The following CDC14A variants were observed in gnomAD, a reference collection of about 807,000 sequenced individuals.
The protein encoded by CDC14A is dual specificity protein phosphatase CDC14A.
In CDC14A, 53 loss-of-function variants were observed where a neutral mutation model predicts 74.4. That is an observed-to-expected ratio of 0.71 (90% CI 0.57 to 0.89). The LOEUF is 0.89. Ranked by LOEUF, CDC14A falls within the 40% of genes least tolerant of loss-of-function variation. The pLI is 0.00. For missense variants in CDC14A, 646 were observed against 713.7 expected, an observed-to-expected ratio of 0.91 and a Z score of 1.08; for synonymous variants, 247 against 258.4, an observed-to-expected ratio of 0.96 and a Z score of 0.43.
intron 4 of CDC14A, among the ~76,000 whole-genome samples, chr1:100,420,927 G>A (rs900665639): frequency 2.6e-5 from 4 of 152,088 alleles, no homozygotes; most frequent in Admixed American, 2.6e-4. Flanking sequence ...TAAGTTCTTG[G>A]TACCTGGAAG....
Position 100,377,611 on chromosome 1 carries a change from A to C in CDC14A, c.206A>C (p.Lys69Thr), listed in dbSNP as rs780830209. Residue 69 changes from lysine (K) to threonine (T), a missense_variant, in exon 3 of 16, where the codon AAG (lysine) becomes ACG (threonine). By Grantham distance (78) the Lys-to-Thr change is moderately conservative (BLOSUM62 -1). Coordinates refer to ENST00000336454, the MANE Select transcript of CDC14A (RefSeq NM_003672.4). ...MVYRYCCKLNKKLKSYSLSRK... is the reference protein window; with the variant it reads ...MVYRYCCKLNTKLKSYSLSRK... ...TACAGATATTGCTGCAAACTAAACAAGAAACTAAAAGTGAGTATTGTAGTG... is the reference window on the plus strand; with the variant it reads ...TACAGATATTGCTGCAAACTAAACACGAAACTAAAAGTGAGTATTGTAGTG... The C allele has an allele frequency of 2.5e-6, 4 of 1,610,260 alleles. No homozygotes were observed. The East Asian group carries it at 8.9e-5, about 36-fold the overall frequency.
intron 4 of CDC14A, among the ~76,000 whole-genome samples, chr1:100,420,063 C>CACATATATATATATATATATAT: frequency 4.4e-4 from 27 of 61,592 alleles, no homozygotes; most frequent in South Asian, 8.9e-4. Context: ...CACACACACA[C>CACATATATATATATATATATAT]ATATATATAT....
At chr1:100,485,396 CTGTTCAAAATAG>C (rs1209799055) in intron 11 of CDC14A, 1 of 811,992 alleles carries the variant, frequency 1.2e-6, no homozygotes, top group Non-Finnish European at 1.5e-6. Flanking sequence ...AAAAAAGGAC[CTGTTCAAAATAG>C]TGGAACAAGC....
At chr1:100,510,902 A>T (rs1213134003) in intron 15 of CDC14A, among the ~76,000 whole-genome samples, 1 of 151,992 alleles carries the variant, frequency 6.6e-6, no homozygotes, top group African/African-American at 2.4e-5. Context: ...CCCCTTCCTG[A>T]TCTCCAGAGC....
At chr1:100,464,554 A>T (rs1667613894) in intron 9 of CDC14A, among the ~76,000 whole-genome samples, 1 of 152,254 alleles carries the variant, frequency 6.6e-6, no homozygotes, top group Non-Finnish European at 1.5e-5. Context: ...AACGTTTAGC[A>T]GGAGATAATC....
At chr1:100,435,702 G>A (rs145751957) in intron 5 of CDC14A, among the ~76,000 whole-genome samples, 348 of 152,070 alleles carry the variant, frequency 2.3e-3, no homozygotes, top group African/African-American at 8.1e-3. Flanking sequence ...GGTGGCAGGC[G>A]CCTGTAATCC....
chr1:100,510,499 T>G (rs1409917213), intron 15 of CDC14A, among the ~76,000 whole-genome samples: 3 of 152,144 alleles, frequency 2.0e-5, no homozygotes, highest in Admixed American at 6.5e-5. Context: ...TTTAAACATT[T>G]CCCCCTCCTC....
intron 4 of CDC14A, among the ~76,000 whole-genome samples, chr1:100,402,365 C>A (rs1211122945): frequency 6.6e-6 from 1 of 152,160 alleles, no homozygotes; most frequent in Non-Finnish European, 1.5e-5. Flanking sequence ...TGCAGAGCTA[C>A]AGGCTTCCAA....
At chr1:100,497,902 G>A (rs1383350864) in intron 13 of CDC14A, among the ~76,000 whole-genome samples, 183 bp from the exon 14 acceptor site, 1 of 145,758 alleles carries the variant, frequency 6.9e-6, no homozygotes, top group African/African-American at 2.4e-5. Context: ...ACATCTTTAA[G>A]GTTCTTAGAA....
intron 4 of CDC14A, among the ~76,000 whole-genome samples, chr1:100,399,793 A>G (rs1006104039): frequency 2.0e-5 from 3 of 151,802 alleles, no homozygotes; most frequent in African/African-American, 7.3e-5. Context: ...GCTTGAGGCC[A>G]GGAGTTTGAG....
intron 4 of CDC14A, among the ~76,000 whole-genome samples, chr1:100,409,916 G>A (rs942321359): frequency 1.3e-5 from 2 of 152,168 alleles, no homozygotes; most frequent in Admixed American, 1.3e-4. Flanking sequence ...AAAAATGTCT[G>A]AAATTTTGAG....
intron 9 of CDC14A, among the ~76,000 whole-genome samples, chr1:100,464,078 G>A (rs1667572296): frequency 6.6e-6 from 1 of 152,168 alleles, no homozygotes; most frequent in African/African-American, 2.4e-5. Flanking sequence ...CGTTTTGTAG[G>A]CCCTTGTTTC....
upstream of CDC14A, chr1:100,352,399 A>T (rs1471567026): frequency 1.5e-5 from 14 of 905,306 alleles, 1 homozygote; most frequent in South Asian, 5.0e-4. Context: ...GAGTCGTGAA[A>T]GTGGAGGGGG....
intron 9 of CDC14A, among the ~76,000 whole-genome samples, chr1:100,466,381 C>T (rs753338293): frequency 3.3e-5 from 5 of 152,118 alleles, no homozygotes; most frequent in African/African-American, 4.8e-5. Context: ...GAATTAACAA[C>T]GATAGGCACT....
chr1:100,459,973 T>C (rs930531195), intron 8 of CDC14A, among the ~76,000 whole-genome samples: 1 of 152,234 alleles, frequency 6.6e-6, no homozygotes, highest in African/African-American at 2.4e-5. Context: ...TCTTAACAGA[T>C]AGAATCAAGT....
chr1:100,404,424 G>A (rs553850416), intron 4 of CDC14A, among the ~76,000 whole-genome samples: 29 of 152,146 alleles, frequency 1.9e-4, no homozygotes, highest in Non-Finnish European at 2.9e-4. Flanking sequence ...CCAAACCCCC[G>A]TAACAAATGC....
At chr1:100,495,558 AC>A (rs2101423361) in intron 12 of CDC14A, among the ~76,000 whole-genome samples, 1 of 152,356 alleles carries the variant, frequency 6.6e-6, no homozygotes, top group Non-Finnish European at 1.5e-5. Flanking sequence ...TTTTAAAATT[AC>A]AATATACTGG....
intron 15 of CDC14A, among the ~76,000 whole-genome samples, chr1:100,512,392 A>G (rs927343575): frequency 1.3e-5 from 2 of 152,188 alleles, no homozygotes; most frequent in African/African-American, 2.4e-5. Context: ...TTGTTAGCAT[A>G]TGAAGCACTA....
intron 8 of CDC14A, among the ~76,000 whole-genome samples, chr1:100,456,614 C>T (rs985596484): frequency 5.3e-5 from 8 of 150,294 alleles, no homozygotes; most frequent in Admixed American, 1.3e-4. Context: ...AGACCAGCCT[C>T]GGCAACATAG....
Sources: gnomAD v4.1 joint callset for allele counts (sites outside exome capture counted in the v4.1 genomes callset) on GRCh38, gnomAD v4.1.1 for gene constraint, MANE v1.5 for transcripts, NCBI Gene and HGNC (gene_info 2026-07-23, HGNC 2026-07-21) for gene names.